Variants in ARRDC5 observed in about 807,000 individuals in gnomAD.
ARRDC5 encodes the protein arrestin domain-containing protein 5.
In ARRDC5, 12 loss-of-function variants were observed where a neutral mutation model predicts 13.3. That is an observed-to-expected ratio of 0.90 (90% confidence interval 0.58 to 1.46). The LOEUF (loss-of-function observed/expected upper bound fraction) is 1.46, where lower values mean the gene tolerates loss of function less well. ARRDC5 is among the 40% of genes most tolerant of loss of function. The pLI is 0.00. For missense variants in ARRDC5, 406 were observed against 418.7 expected (o/e 0.97, Z 0.26); for synonymous variants, 181 against 173.4 (o/e 1.04, Z -0.34).
intron 2 of ARRDC5, among the ~76,000 whole-genome samples, chr19:4,893,038 G>A (rs1334734554): frequency 6.7e-6 from 1 of 149,250 alleles, no homozygotes; most frequent in Admixed American, 6.9e-5. Context: ...GGGAGGTGGA[G>A]GTTGAAGTTA....
chr19:4,899,745 C>G (rs1486852532), intron 1 of ARRDC5, among the ~76,000 whole-genome samples: 2 of 116,272 alleles, frequency 1.7e-5, no homozygotes, highest in South Asian at 2.8e-4. Context: ...CTGGTTAACA[C>G]GGTGAAACCC....
chr19:4,900,826 C>T (rs1203464865), intron 1 of ARRDC5, among the ~76,000 whole-genome samples: 1 of 152,048 alleles, frequency 6.6e-6, no homozygotes, highest in African/African-American at 2.4e-5. Context: ...TCAAGACCAG[C>T]CTGACCAACA....
chr19:4,906,031 C>T (rs1027253639), upstream of ARRDC5, among the ~76,000 whole-genome samples: 15 of 152,190 alleles, frequency 9.9e-5, no homozygotes, highest in Admixed American at 9.8e-4. Flanking sequence ...GGCTAGAGTG[C>T]AGTGGCGCAA....
the ARRDC5 span, among the ~76,000 whole-genome samples, chr19:4,916,820 C>T: frequency 1.3e-5 from 2 of 152,220 alleles, no homozygotes; most frequent in Non-Finnish European, 2.9e-5. Flanking sequence ...AGCAGTTTCT[C>T]ACTTCCTTCC....
chr19:4,895,614 C>T (rs1213146028), intron 2 of ARRDC5, among the ~76,000 whole-genome samples: 3 of 152,042 alleles, frequency 2.0e-5, no homozygotes, highest in Non-Finnish European at 2.9e-5. Context: ...GGATCCAGAA[C>T]GAGTCCTTCA....
the ARRDC5 span, among the ~76,000 whole-genome samples, chr19:4,915,740 A>T: frequency 6.6e-6 from 1 of 151,970 alleles, no homozygotes; most frequent in Non-Finnish European, 1.5e-5. Context: ...AACAAAACCA[A>T]AACAAAAGAG....
Position 4,890,731 on chromosome 19 carries a change from G to A in ARRDC5, c.*315C>T, listed in dbSNP as rs2031472301. The stretch of plus-strand genomic sequence containing the variant: ...AATACAACCAGACATTAGCAGAGGG[G>A]AGAATTCTCCCCAAGTAGGACCCCT... On this transcript the variant is annotated 3_prime_UTR_variant, in exon 3 of 3. Transcript: ENST00000650722. 1 of 324,074 alleles carries A rather than the reference G, an allele frequency of 3.1e-6. No homozygotes were observed. Among genetic ancestry groups the A allele is most frequent in the Non-Finnish European group, 5.8e-6 (1 of 173,466 alleles). 20.1% of individuals were successfully genotyped at this position (324,074 alleles called of 1,614,324 possible).
intron 1 of ARRDC5, among the ~76,000 whole-genome samples, chr19:4,902,329 C>T (rs1317591437): frequency 6.6e-6 from 1 of 152,198 alleles, no homozygotes; most frequent in East Asian, 1.9e-4. Context: ...GAGCATTTTC[C>T]AAGGAGACTA....
At chr19:4,916,137 G>A in the ARRDC5 span, among the ~76,000 whole-genome samples, 8 of 151,908 alleles carry the variant, frequency 5.3e-5, no homozygotes, top group African/African-American at 1.2e-4. Context: ...GCAAGACCCC[G>A]TCTCTACAAA....
the ARRDC5 span, among the ~76,000 whole-genome samples, chr19:4,915,541 C>T: frequency 6.6e-6 from 1 of 152,064 alleles, no homozygotes; most frequent in Admixed American, 6.6e-5. Flanking sequence ...GGTGAAACCC[C>T]GTCTCTACTA....
At chr19:4,907,172 C>A (rs1012822923), upstream of ARRDC5, among the ~76,000 whole-genome samples, 2 of 152,170 alleles carry the variant, frequency 1.3e-5, no homozygotes, top group African/African-American at 4.8e-5. Flanking sequence ...TACACTGGCT[C>A]GATCTTGGCT....
At chr19:4,909,013 T>C in the ARRDC5 span, among the ~76,000 whole-genome samples, 1 of 151,496 alleles carries the variant, frequency 6.6e-6, no homozygotes, top group Non-Finnish European at 1.5e-5. Context: ...GTGGGTAGAG[T>C]GGGGAGCCCT....
the ARRDC5 span, chr19:4,911,092 T>G: frequency 7.0e-7 from 1 of 1,438,322 alleles, no homozygotes; most frequent in South Asian, 1.5e-5. Context: ...CTCGCGCCTC[T>G]GCAGCCACCA....
At chr19:4,905,363 C>T (rs546077972), upstream of ARRDC5, among the ~76,000 whole-genome samples, 28 of 151,702 alleles carry the variant, frequency 1.8e-4, no homozygotes, top group Non-Finnish European at 3.5e-4. Flanking sequence ...TCGTGATCCA[C>T]CTGCCTCAGC....
intron 2 of ARRDC5, among the ~76,000 whole-genome samples, chr19:4,896,361 TA>T (rs1465881531): frequency 1.3e-4 from 11 of 84,956 alleles, no homozygotes; most frequent in East Asian, 7.1e-4. Flanking sequence ...TTTTTTTTTT[TA>T]CACACACACA....
At chr19:4,899,677 C>A (rs1322754209) in intron 1 of ARRDC5, among the ~76,000 whole-genome samples, 1 of 148,096 alleles carries the variant, frequency 6.8e-6, no homozygotes, top group Non-Finnish European at 1.5e-5. Context: ...CGCCTGTAAT[C>A]CCAGCACTCT....
chr19:4,907,991 T>G, the ARRDC5 span, among the ~76,000 whole-genome samples: 1 of 152,070 alleles, frequency 6.6e-6, no homozygotes. Flanking sequence ...GGATTACAGG[T>G]GTGAGCCAAC....
chr19:4,915,322 T>C, the ARRDC5 span, among the ~76,000 whole-genome samples: 1 of 152,188 alleles, frequency 6.6e-6, no homozygotes, highest in Non-Finnish European at 1.5e-5. Flanking sequence ...GCGCGGCCTC[T>C]GTTAGGGTGA....
chr19:4,892,768 G>A (rs945574789), intron 2 of ARRDC5, among the ~76,000 whole-genome samples: 4 of 152,036 alleles, frequency 2.6e-5, no homozygotes, highest in African/African-American at 4.8e-5. Flanking sequence ...AAAAGTGGTT[G>A]CAACCTGCTA....
Sources: gnomAD v4.1 joint callset for allele counts (sites outside exome capture counted in the v4.1 genomes callset) on GRCh38, gnomAD v4.1.1 for gene constraint, MANE v1.5 for transcripts, NCBI Gene and HGNC (gene_info 2026-07-23, HGNC 2026-07-21) for gene names.